CSMD2: variants seen among roughly 807,000 people sequenced by gnomAD.
CSMD2 encodes the protein CUB and sushi domain-containing protein 2.
CSMD2 carries 130 observed loss-of-function variants against 398.5 expected under a neutral mutation model. That is an observed-to-expected ratio of 0.33 (90% CI 0.28 to 0.38). The LOEUF is 0.38. CSMD2 is among the 10% of genes least tolerant of loss of function. The pLI is 1.00. For synonymous variants in CSMD2, 1,828 were observed against 1,908.5 expected (o/e 0.96, Z 1.10); for missense variants, 3,829 against 4,764.9 (o/e 0.80, Z 5.78).
chr1:34,042,964 T>C (rs1652035407), intron 2 of CSMD2, among the ~76,000 whole-genome samples: 1 of 150,680 alleles, frequency 6.6e-6, no homozygotes, highest in Admixed American at 6.6e-5. Context: ...TTTTTTTTTG[T>C]ATTTTCAGTA....
At chr1:33,655,142 G>C (rs1643909473) in intron 27 of CSMD2, among the ~76,000 whole-genome samples, 1 of 152,220 alleles carries the variant, frequency 6.6e-6, no homozygotes, top group Admixed American at 6.5e-5. Flanking sequence ...GTGGGTGCAA[G>C]CTGCAGATCC....
At chr1:34,038,962 C>T (rs1651502349) in intron 2 of CSMD2, among the ~76,000 whole-genome samples, 1 of 152,200 alleles carries the variant, frequency 6.6e-6, no homozygotes, top group African/African-American at 2.4e-5. Flanking sequence ...AGGGTCTTTG[C>T]ACGCACTGTC....
At position 34,139,787 on chromosome 1, in the gene CSMD2, G is replaced by A. The variant is rs527529200; in HGVS notation, c.187+25124C>T. 3.5e-4 allele frequency among the ~76,000 whole-genome samples: 54 copies of A among 152,314 alleles called. 1 individual carries two copies. The highest frequency in any genetic ancestry group is 6.8e-4 in the Non-Finnish European group (46 of 68,034). ...CAGAGTACTTAGCACAGCGGCTGGAGCACTGAGTACATCTTATTCATTGTT... is the reference window on the plus strand; with the variant it reads ...CAGAGTACTTAGCACAGCGGCTGGAACACTGAGTACATCTTATTCATTGTT... On this transcript the variant is annotated intron_variant, in intron 1 of 70. Coordinates refer to ENST00000373381, the MANE Select transcript of CSMD2 (RefSeq NM_001281956.2).
chr1:34,132,212 C>T (rs1663422334), intron 1 of CSMD2, among the ~76,000 whole-genome samples: 1 of 152,128 alleles, frequency 6.6e-6, no homozygotes, highest in Non-Finnish European at 1.5e-5. Context: ...CCTCCATGGA[C>T]ATAAGGGAGA....
rs1161612088 is a variant in CSMD2, at chr1:33,533,731, A to G, written c.9991+65T>C. 3.9e-6 allele frequency: 4 copies of G among 1,030,716 alleles called. No individual in the cohort carries two copies. The highest frequency in any genetic ancestry group is 2.0e-4 in the Middle Eastern group (1 of 4,902). 63.8% of individuals were successfully genotyped at this position (1,030,716 alleles called of 1,614,324 possible). On this transcript the variant is annotated intron_variant, in intron 63 of 70. Transcript: ENST00000373381. This position sits in a 1 kb window ranked among gnomAD's most constrained non-coding sequence, Gnocchi z 4.2. ...TCCCTGTCATTCAGAGCATTCAAACATGACCCAGATGCCCAGCTGGGGCAA... is the reference window on the plus strand; with the variant it reads ...TCCCTGTCATTCAGAGCATTCAAACGTGACCCAGATGCCCAGCTGGGGCAA...
At chr1:33,766,250 C>T (rs775162434) in intron 13 of CSMD2, among the ~76,000 whole-genome samples, 2 of 152,090 alleles carry the variant, frequency 1.3e-5, no homozygotes, top group African/African-American at 4.8e-5. Flanking sequence ...TTTGCATAGG[C>T]CCAAACCCAG....
At chr1:34,078,999 T>C (rs1656744242) in intron 2 of CSMD2, among the ~76,000 whole-genome samples, 1 of 152,194 alleles carries the variant, frequency 6.6e-6, no homozygotes, top group Non-Finnish European at 1.5e-5. Flanking sequence ...CTTCATTGCT[T>C]TAGTCCAGAC....
chr1:33,954,973 T>G (rs995571051), intron 3 of CSMD2, among the ~76,000 whole-genome samples: 2 of 152,158 alleles, frequency 1.3e-5, no homozygotes, highest in Admixed American at 6.5e-5. Context: ...ATGAGTGGTG[T>G]TATGTGTATT....
At chr1:33,761,911 C>T (rs1033507021) in intron 13 of CSMD2, among the ~76,000 whole-genome samples, 6 of 152,170 alleles carry the variant, frequency 3.9e-5, no homozygotes, top group Non-Finnish European at 8.8e-5. Context: ...AGTCCCAGAG[C>T]AAGATGAGAG....
intron 3 of CSMD2, among the ~76,000 whole-genome samples, chr1:34,028,217 G>C (rs1261310453): frequency 6.6e-6 from 1 of 152,040 alleles, no homozygotes; most frequent in Non-Finnish European, 1.5e-5. Flanking sequence ...GCTACTTCAG[G>C]GGCTGAGGCA....
At chr1:33,782,010 G>A (rs1652834753) in intron 12 of CSMD2, among the ~76,000 whole-genome samples, 1 of 152,086 alleles carries the variant, frequency 6.6e-6, no homozygotes, top group Non-Finnish European at 1.5e-5. Context: ...ATACTGGAGT[G>A]CCACCTGCCT....
At chr1:33,670,219 T>A (rs1359857683) in intron 25 of CSMD2, among the ~76,000 whole-genome samples, 1 of 152,154 alleles carries the variant, frequency 6.6e-6, no homozygotes, top group Non-Finnish European at 1.5e-5. Flanking sequence ...ATCAGAGTCA[T>A]CCATTGACTT....
intron 4 of CSMD2, 52 bp downstream of exon 4, chr1:33,935,708 A>G: frequency 6.6e-7 from 1 of 1,518,208 alleles, no homozygotes; most frequent in East Asian, 2.3e-5. Context: ...AAGCTCCAGC[A>G]TCACCTCCCA....
chr1:34,088,091 T>C (rs1201441461), intron 2 of CSMD2, among the ~76,000 whole-genome samples: 2 of 152,178 alleles, frequency 1.3e-5, no homozygotes, highest in East Asian at 3.8e-4. Flanking sequence ...CTGCAGGAGC[T>C]TGGAGGCCAA....
chr1:34,008,490 A>G (rs1647133034), intron 3 of CSMD2, among the ~76,000 whole-genome samples: 2 of 152,212 alleles, frequency 1.3e-5, no homozygotes. Flanking sequence ...CTGAGTACTA[A>G]TAAAAAGATG....
chr1:34,102,741 T>C (rs1660104823), intron 1 of CSMD2, among the ~76,000 whole-genome samples: 1 of 152,202 alleles, frequency 6.6e-6, no homozygotes, highest in Non-Finnish European at 1.5e-5. Flanking sequence ...AGAAAATGTT[T>C]CCCCAGTAGC....
At position 33,930,917 on chromosome 1, in the gene CSMD2, C is replaced by T. The variant is rs188921167; in HGVS notation, c.712+4843G>A. On this transcript the variant is annotated intron_variant, in intron 4 of 70. Coordinates refer to ENST00000373381, the MANE Select transcript of CSMD2 (RefSeq NM_001281956.2). ...TTCCCAGCTGTTCCCTATTCCCCCA[C>T]TCCTAGTCTGTGCTGTGTCCCCAGA... 2.0e-5 allele frequency among the ~76,000 whole-genome samples: 3 copies of T among 152,336 alleles called. No individual in the cohort carries two copies. The East Asian group carries it at 5.8e-4, about 29-fold the overall frequency.
chr1:33,988,782 T>G (rs926202385), intron 3 of CSMD2, among the ~76,000 whole-genome samples: 5 of 151,842 alleles, frequency 3.3e-5, no homozygotes, highest in Non-Finnish European at 7.4e-5. Context: ...ATCGGCATCT[T>G]ATTCAAAATA....
Position 33,537,720 on chromosome 1 carries a change from G to A in CSMD2, c.9632-111C>T. On this transcript the variant is annotated intron_variant, in intron 60 of 70. Coordinates refer to ENST00000373381, the MANE Select transcript of CSMD2 (RefSeq NM_001281956.2). This position sits in a 1 kb window ranked among gnomAD's most constrained non-coding sequence, Gnocchi z 4.6. ...CACTGCTCCCTTCCTGGTTGAGCTTGAACTCTGGGAACCGGGGCAGCCCCA... is the reference window on the plus strand; with the variant it reads ...CACTGCTCCCTTCCTGGTTGAGCTTAAACTCTGGGAACCGGGGCAGCCCCA... 8.5e-7 allele frequency: 1 copy of A among 1,182,496 alleles called. No individual in the cohort carries two copies. 73.3% of individuals were successfully genotyped at this position (1,182,496 alleles called of 1,614,324 possible).
Sources: allele counts gnomAD v4.1 joint callset (sites outside exome capture counted in the v4.1 genomes callset), GRCh38; gene constraint gnomAD v4.1.1; non-coding constraint Gnocchi (gnomAD v3.1); transcripts MANE v1.5; gene names NCBI Gene and HGNC (gene_info 2026-07-23, HGNC 2026-07-21).